Variants in CDK6 observed in about 807,000 individuals in gnomAD.
CDK6 encodes the protein cyclin-dependent kinase 6.
A neutral mutation model predicts 37.1 loss-of-function variants in CDK6; 6 were observed. That is an observed-to-expected ratio of 0.16 (90% CI 0.09 to 0.32). The LOEUF (loss-of-function observed/expected upper bound fraction) is 0.32. CDK6 is among the 10% of genes least tolerant of loss of function. CDK6 has a pLI of 1.00. For synonymous variants in CDK6, 160 were observed against 161.3 expected (o/e 0.99, Z 0.06); for missense variants, 224 against 418.9 (o/e 0.53, Z 4.06).
At chr7:92,778,292 AT>A (rs980366296) in intron 2 of CDK6, among the ~76,000 whole-genome samples, 15 of 151,898 alleles carry the variant, frequency 9.9e-5, no homozygotes, top group African/African-American at 3.4e-4. Context: ...TCCATTGAAA[AT>A]TTTTTCCTCA....
chr7:92,785,262 C>T (rs1800096477), intron 2 of CDK6, among the ~76,000 whole-genome samples: 1 of 152,096 alleles, frequency 6.6e-6, no homozygotes, highest in African/African-American at 2.4e-5. Flanking sequence ...AGGGATTATG[C>T]TAAGAGAAAG....
chr7:92,771,190 C>T (rs569437826), intron 3 of CDK6, among the ~76,000 whole-genome samples: 65 of 148,164 alleles, frequency 4.4e-4, no homozygotes, highest in Non-Finnish European at 8.2e-4. Flanking sequence ...GAGTTGAGAT[C>T]GCGCCACTGC....
rs1472030486 is a variant in CDK6 at position 92,606,860 on chromosome 7, TTTTTC to T, written c.*8275_*8279del. On this transcript the variant is annotated 3_prime_UTR_variant, in exon 8 of 8. Transcript: ENST00000424848. Reference sequence around the variant, plus strand: ...AATTTGCACTCTACGTGAACCAATATTTTTCTTTTCTTAACACATACTGCTCTTCT... The same window carrying T: ...AATTTGCACTCTACGTGAACCAATATTTTTCTTAACACATACTGCTCTTCT... The T allele has an allele frequency of 7.7e-5, 18 of 232,842 alleles. No individual in the cohort carries two copies. Among genetic ancestry groups the T allele is most frequent in the East Asian group, 6.1e-4 (10 of 16,494 alleles). 14.4% of individuals were successfully genotyped at this position (232,842 alleles called of 1,614,324 possible).
At chr7:92,673,233 A>T (rs1797129674) in intron 4 of CDK6, among the ~76,000 whole-genome samples, 2 of 152,242 alleles carry the variant, frequency 1.3e-5, no homozygotes, top group Admixed American at 6.5e-5. Context: ...CACACAGAGC[A>T]GAACTGCCAG....
intron 5 of CDK6, among the ~76,000 whole-genome samples, chr7:92,652,886 A>C (rs1234433394): frequency 6.6e-6 from 1 of 152,220 alleles, no homozygotes; most frequent in African/African-American, 2.4e-5. Context: ...ATGGGTATTT[A>C]ACAAATATAC....
chr7:92,673,441 G>A (rs563633449), intron 4 of CDK6, among the ~76,000 whole-genome samples: 3 of 152,058 alleles, frequency 2.0e-5, no homozygotes, highest in Non-Finnish European at 4.4e-5. Context: ...TCTAATGGAG[G>A]GATGGTTGTG....
chr7:92,789,164 T>C (rs180835029), intron 2 of CDK6, among the ~76,000 whole-genome samples: 22 of 152,202 alleles, frequency 1.4e-4, no homozygotes, highest in African/African-American at 5.3e-4. Flanking sequence ...AAAAAAGAAA[T>C]CTGTTAACCA....
chr7:92,835,068 T>G lies in CDK6; in HGVS notation c.-367-1378A>C, dbSNP rs1801616199. 6.6e-6 allele frequency: 1 copy of G among 152,182 alleles called. No individual in the cohort carries two copies. The highest frequency in any genetic ancestry group is 2.4e-5 in the African/African-American group (1 of 41,438). 9.4% of individuals were successfully genotyped at this position (152,182 alleles called of 1,614,324 possible). ...TGGCCCGCTCGCCTTTTGCCAGGAA[T>G]TAAACAAACGGCGCGACCCCCACGA... On this transcript the variant is annotated intron_variant, in intron 1 of 7. Coordinates refer to ENST00000424848, the MANE Select transcript of CDK6 (RefSeq NM_001145306.2). This position sits in a 1 kb window ranked among gnomAD's most constrained non-coding sequence, Gnocchi z 4.2.
intron 2 of CDK6, among the ~76,000 whole-genome samples, chr7:92,808,290 G>A (rs1234817081): frequency 6.6e-6 from 1 of 152,214 alleles, no homozygotes; most frequent in African/African-American, 2.4e-5. Context: ...TGAAGCATAT[G>A]CTCCCAATTC....
chr7:92,726,119 T>C (rs1008473527), intron 3 of CDK6, among the ~76,000 whole-genome samples: 1 of 151,284 alleles, frequency 6.6e-6, no homozygotes, highest in Non-Finnish European at 1.5e-5. Flanking sequence ...AAGGAGGAGG[T>C]CGTGAGGGGA....
At chr7:92,792,461 C>A (rs1800307956) in intron 2 of CDK6, among the ~76,000 whole-genome samples, 2 of 152,056 alleles carry the variant, frequency 1.3e-5, no homozygotes. Flanking sequence ...CTAGAAGTGG[C>A]ATTTTAAAAA....
intron 2 of CDK6, among the ~76,000 whole-genome samples, chr7:92,831,398 A>C (rs1801476185): frequency 6.6e-6 from 1 of 152,186 alleles, no homozygotes; most frequent in African/African-American, 2.4e-5. Flanking sequence ...CCTTAACTGG[A>C]TACTCCATAG....
chr7:92,699,316 A>T (rs900486338), intron 4 of CDK6, among the ~76,000 whole-genome samples: 1 of 152,250 alleles, frequency 6.6e-6, no homozygotes, highest in Non-Finnish European at 1.5e-5. Flanking sequence ...GTCAATAATT[A>T]AACTGCTGAT....
chr7:92,789,364 C>G (rs1800224116), intron 2 of CDK6, among the ~76,000 whole-genome samples: 1 of 152,100 alleles, frequency 6.6e-6, no homozygotes, highest in Admixed American at 6.6e-5. Flanking sequence ...ACAAAGAACA[C>G]TGGCAAAGGT....
chr7:92,738,796 T>G (rs1798850968), intron 3 of CDK6, among the ~76,000 whole-genome samples: 1 of 152,198 alleles, frequency 6.6e-6, no homozygotes, highest in African/African-American at 2.4e-5. Flanking sequence ...CTACTCTGAT[T>G]TAGGGATACC....
intron 5 of CDK6, among the ~76,000 whole-genome samples, chr7:92,669,463 G>A (rs960297565): frequency 3.9e-5 from 6 of 152,090 alleles, no homozygotes; most frequent in African/African-American, 1.2e-4. Context: ...TAGTATTCAA[G>A]TCTGTAATTG....
chr7:92,833,376 T>G lies in CDK6; in HGVS notation c.-53A>C, dbSNP rs1801545434. The G allele has an allele frequency of 3.0e-6, 4 of 1,316,070 alleles. No homozygotes were observed. The Admixed American group carries it at 7.6e-5, about 25-fold the overall frequency. 81.5% of individuals were successfully genotyped at this position (1,316,070 alleles called of 1,614,324 possible). A position where few individuals can be genotyped will look rare whatever the true frequency, so the allele number is the denominator to read the frequency against. On this transcript the variant is annotated 5_prime_UTR_variant, in exon 2 of 8. Transcript: ENST00000424848. The surrounding 1 kb of genome is among the most constrained non-coding windows in gnomAD (Gnocchi z 6.1). The stretch of plus-strand genomic sequence containing the variant: ...CCGCTGGGGCGGGCGGGGGGTGCGC[T>G]CAACTAGCTGGCGGCCGCCGCTCGC...
chr7:92,768,112 A>C (rs1204936136), intron 3 of CDK6, among the ~76,000 whole-genome samples: 1 of 152,146 alleles, frequency 6.6e-6, no homozygotes, highest in African/African-American at 2.4e-5. Flanking sequence ...GCCTAAGGCC[A>C]GGGTAAGCTG....
chr7:92,724,498 AACACT>A, intron 4 of CDK6, among the ~76,000 whole-genome samples: 1 of 152,132 alleles, frequency 6.6e-6, no homozygotes, highest in Non-Finnish European at 1.5e-5. Context: ...GGGGGTGGGG[AACACT>A]TTTATAAATT....
Sources: gnomAD v4.1 joint callset for allele counts (sites outside exome capture counted in the v4.1 genomes callset) on GRCh38, gnomAD v4.1.1 for gene constraint, Gnocchi (gnomAD v3.1) non-coding constraint, MANE v1.5 for transcripts, NCBI Gene and HGNC (gene_info 2026-07-23, HGNC 2026-07-21) for gene names.